Variants in CMSS1 observed in about 807,000 individuals in gnomAD.
CMSS1 encodes the protein cms1 ribosomal small subunit homolog.
Under a neutral mutation model 43.5 loss-of-function variants are expected in CMSS1, and 33 were observed. The ratio of observed to expected loss-of-function variants is 0.76; its 90% CI spans 0.57 to 1.01. The LOEUF is 1.01. Among genes scored for constraint, CMSS1 ranks in the 50% least tolerant of loss-of-function variants. CMSS1 has a pLI of 0.00. For missense variants in CMSS1, 313 were observed against 326.4 expected, an observed-to-expected ratio of 0.96 and a Z score of 0.32; for synonymous variants, 115 against 117.2, an observed-to-expected ratio of 0.98 and a Z score of 0.12.
chr3:100,141,798 G>A (rs1198718789), intron 1 of CMSS1, among the ~76,000 whole-genome samples: 1 of 152,104 alleles, frequency 6.6e-6, no homozygotes, highest in Non-Finnish European at 1.5e-5. Flanking sequence ...CAAGGAGTTG[G>A]GGAAGAGGCA....
intron 1 of CMSS1, among the ~76,000 whole-genome samples, chr3:99,982,294 T>C (rs1441456245): frequency 1.3e-5 from 2 of 152,138 alleles, no homozygotes; most frequent in Non-Finnish European, 2.9e-5. Context: ...TCTGGGGCTG[T>C]GTATTTATGA....
At chr3:100,108,561 A>G (rs2107471509) in intron 1 of CMSS1, among the ~76,000 whole-genome samples, 1 of 152,166 alleles carries the variant, frequency 6.6e-6, no homozygotes, top group East Asian at 1.9e-4. Flanking sequence ...TCTGGTTTTG[A>G]CTCTGATTTT....
chr3:100,074,874 A>G (rs1224133080), intron 1 of CMSS1, among the ~76,000 whole-genome samples: 5 of 150,928 alleles, frequency 3.3e-5, no homozygotes, highest in African/African-American at 1.2e-4. Flanking sequence ...TTGTCTTTTT[A>G]ATAGAGACAG....
chr3:99,957,350 G>C (rs1385140311), intron 1 of CMSS1, among the ~76,000 whole-genome samples: 1 of 152,052 alleles, frequency 6.6e-6, no homozygotes, highest in African/African-American at 2.4e-5. Flanking sequence ...GTTGAAGAAA[G>C]CCAACCCAAC....
At chr3:99,885,865 A>G (rs192117180) in intron 1 of CMSS1, among the ~76,000 whole-genome samples, 70 of 152,230 alleles carry the variant, frequency 4.6e-4, no homozygotes, top group Middle Eastern at 6.8e-3. Context: ...ATACAGCTCA[A>G]CTCTGTAAAT....
chr3:99,847,740 G>A (rs1943432078), intron 1 of CMSS1, among the ~76,000 whole-genome samples: 1 of 152,164 alleles, frequency 6.6e-6, no homozygotes, highest in Non-Finnish European at 1.5e-5. Context: ...TCAAAGAGAT[G>A]TAATTTTTAT....
intron 1 of CMSS1, among the ~76,000 whole-genome samples, chr3:99,941,416 C>T (rs555385732): frequency 6.6e-6 from 1 of 152,328 alleles, no homozygotes; most frequent in African/African-American, 2.4e-5. Context: ...GTAAAGCCAT[C>T]TCAGAGATAA....
chr3:100,012,761 CTTTTTTTTT>C (rs35737304), intron 1 of CMSS1, among the ~76,000 whole-genome samples: 1 of 93,614 alleles, frequency 1.1e-5, no homozygotes, highest in Non-Finnish European at 2.3e-5. Flanking sequence ...GAAGCATATT[CTTTTTTTTT>C]TTTTTTTTTG....
intron 1 of CMSS1, among the ~76,000 whole-genome samples, chr3:99,818,665 T>C (rs991463416): frequency 6.6e-6 from 1 of 152,226 alleles, no homozygotes; most frequent in African/African-American, 2.4e-5. Context: ...TAAATAGAGA[T>C]CATCCTTTGA....
chr3:100,139,401 G>T (rs964473525), intron 1 of CMSS1, among the ~76,000 whole-genome samples: 15 of 147,606 alleles, frequency 1.0e-4, no homozygotes, highest in Non-Finnish European at 2.1e-4. Context: ...CAGCCAGGAG[G>T]CCAGGCATGG....
At chr3:100,167,975 G>A in intron 6 of CMSS1, 135 bp downstream of exon 6, 1 of 544,582 alleles carries the variant, frequency 1.8e-6, no homozygotes, top group Non-Finnish European at 3.2e-6. Flanking sequence ...TTATATTTCA[G>A]TGGGGGAGAC....
At chr3:100,055,397 G>A (rs1012274740) in intron 1 of CMSS1, among the ~76,000 whole-genome samples, 1 of 152,242 alleles carries the variant, frequency 6.6e-6, no homozygotes, top group Admixed American at 6.5e-5. Flanking sequence ...GTGGCCATAT[G>A]CTCTTCTCGG....
intron 1 of CMSS1, among the ~76,000 whole-genome samples, chr3:99,852,751 A>G (rs1341132269): frequency 2.0e-5 from 3 of 152,098 alleles, no homozygotes; most frequent in Admixed American, 6.6e-5. Flanking sequence ...CTGAGAGAAC[A>G]TTTTAAAAGG....
intron 1 of CMSS1, among the ~76,000 whole-genome samples, chr3:99,827,735 A>G (rs1213996387): frequency 6.6e-6 from 1 of 152,234 alleles, no homozygotes; most frequent in Admixed American, 6.5e-5. Context: ...CCTCCGGAGT[A>G]GCTGGGATTA....
At chr3:99,860,031 T>C (rs979006796) in intron 1 of CMSS1, among the ~76,000 whole-genome samples, 65 of 152,342 alleles carry the variant, frequency 4.3e-4, no homozygotes, top group African/African-American at 1.5e-3. Flanking sequence ...AGTAACACTT[T>C]TTTTGGCATC....
At chr3:99,866,910 T>C (rs1944549122) in intron 1 of CMSS1, among the ~76,000 whole-genome samples, 1 of 152,240 alleles carries the variant, frequency 6.6e-6, no homozygotes, top group Admixed American at 6.5e-5. Flanking sequence ...GCATGCTTTG[T>C]ACAAATTAAA....
intron 1 of CMSS1, among the ~76,000 whole-genome samples, chr3:99,927,172 T>C (rs1707318753): frequency 6.6e-6 from 1 of 152,220 alleles, no homozygotes; most frequent in African/African-American, 2.4e-5. Flanking sequence ...TCTTTTTTCC[T>C]CTTTCACCAA....
chr3:100,013,912 CCTGT>C (rs1237358375), intron 1 of CMSS1, among the ~76,000 whole-genome samples: 1 of 152,074 alleles, frequency 6.6e-6, no homozygotes, highest in Non-Finnish European at 1.5e-5. Context: ...CAACAGAATT[CCTGT>C]CTAACTGAAA....
chr3:100,007,487 T>C (rs1710020871), intron 1 of CMSS1, among the ~76,000 whole-genome samples: 1 of 151,986 alleles, frequency 6.6e-6, no homozygotes, highest in South Asian at 2.1e-4. Flanking sequence ...AGAAATCAAA[T>C]CATGAAAGAT....
Sources: gnomAD v4.1 joint callset for allele counts (sites outside exome capture counted in the v4.1 genomes callset) on GRCh38, gnomAD v4.1.1 for gene constraint, MANE v1.5 for transcripts, NCBI Gene and HGNC (gene_info 2026-07-23, HGNC 2026-07-21) for gene names.